The following AHRR variants were observed in gnomAD, a reference collection of about 807,000 sequenced individuals.
The protein encoded by AHRR is aryl hydrocarbon receptor repressor, also known as ahR repressor.
In AHRR, 28 loss-of-function variants were observed where a neutral mutation model predicts 44.0. The observed-to-expected ratio is 0.64, with a 90% confidence interval of 0.47 to 0.87. AHRR has a LOEUF of 0.87. Ranked by LOEUF, AHRR falls within the 40% of genes least tolerant of loss-of-function variation. AHRR has a pLI of 0.00. For missense variants in AHRR, 990 were observed against 953.9 expected (o/e 1.04, Z -0.50); for synonymous variants, 434 against 407.0 (o/e 1.07, Z -0.80).
chr5:434,884 G>T lies in AHRR; in HGVS notation c.*50G>T, dbSNP rs367737923. ...GATCTGTGTGTCTACGCTCAGATGC[G>T]TCGGTGGCTGGGCTGCCCTGCTCCT... On this transcript the variant is annotated 3_prime_UTR_variant, in exon 11 of 11. Coordinates refer to ENST00000684583, the MANE Select transcript of AHRR (RefSeq NM_001377236.1). 7.6e-5 allele frequency: 113 copies of T among 1,496,070 alleles called. No individual in the cohort carries two copies. The highest frequency in any genetic ancestry group is 9.9e-5 in the Non-Finnish European group (111 of 1,116,322). 92.7% of individuals were successfully genotyped at this position (1,496,070 alleles called of 1,614,324 possible).
chr5:437,592 T>G lies in AHRR; in HGVS notation c.*2758T>G, dbSNP rs1307707970. On this transcript the variant is annotated 3_prime_UTR_variant, in exon 11 of 11. Transcript: ENST00000684583. ...GACGGCAGCCCCTGCCCAGGAGGCTTCTTCACCACGTCCTGCCCTGCAGCC... is the reference window on the plus strand; with the variant it reads ...GACGGCAGCCCCTGCCCAGGAGGCTGCTTCACCACGTCCTGCCCTGCAGCC... The G allele has an allele frequency of 2.0e-5, 3 of 152,384 alleles. No homozygotes were observed. Among genetic ancestry groups the G allele is most frequent in the Admixed American group, 6.5e-5 (1 of 15,282 alleles). The allele number at this position is 152,384 out of a possible 1,614,324, so 9.4% of individuals were successfully genotyped here.
intron 3 of AHRR, among the ~76,000 whole-genome samples, chr5:366,638 T>G (rs1399124403): frequency 6.6e-6 from 1 of 152,242 alleles, no homozygotes; most frequent in East Asian, 1.9e-4. Flanking sequence ...GAACAAAATA[T>G]CTATTAATTA....
Position 434,976 on chromosome 5 carries a change from G to C in AHRR, c.*142G>C. ...CTGTGCATGCGCAGTCTGCTAGTGTGTGTGTGCAGCATACGCAGGAGCCTA... is the reference window on the plus strand; with the variant it reads ...CTGTGCATGCGCAGTCTGCTAGTGTCTGTGTGCAGCATACGCAGGAGCCTA... On this transcript the variant is annotated 3_prime_UTR_variant, in exon 11 of 11. Coordinates refer to ENST00000684583, the MANE Select transcript of AHRR (RefSeq NM_001377236.1). 1 of 1,217,448 alleles carries C rather than the reference G, an allele frequency of 8.2e-7. No homozygotes were observed. The allele number at this position is 1,217,448 out of a possible 1,614,324, so 75.4% of individuals were successfully genotyped here.
intron 4 of AHRR, among the ~76,000 whole-genome samples, chr5:407,954 C>T (rs2671899): frequency 0.2 from 30,466 of 152,172 alleles, 4,905 homozygotes; most frequent in African/African-American, 0.45. Flanking sequence ...ATTTTTCATA[C>T]CGAATTGCAT....
chr5:376,549 T>TGAA (rs1733684160), intron 3 of AHRR, 61 bp from the exon 4 acceptor site: 1 of 1,409,798 alleles, frequency 7.1e-7, no homozygotes, highest in Non-Finnish European at 9.6e-7. Context: ...AAGATGTGAA[T>TGAA]GAAGAAGAGT....
At chr5:340,674 ATATATATATATATATTTTTTTTTT>A (rs1742300314) in intron 1 of AHRR, among the ~76,000 whole-genome samples, 7 of 24,880 alleles carry the variant, frequency 2.8e-4, no homozygotes. Flanking sequence ...TTATATATAT[ATATATATATATATATTTTTTTTTT>A]TTTTTTTTTT....
At chr5:430,309 G>A (rs910406200) in intron 8 of AHRR, among the ~76,000 whole-genome samples, 9 of 152,322 alleles carry the variant, frequency 5.9e-5, no homozygotes, top group South Asian at 2.1e-4. Context: ...GTTCTTTGGC[G>A]CCTTTGACGG....
chr5:413,061 C>G (rs1277116064), intron 4 of AHRR, among the ~76,000 whole-genome samples: 1 of 152,100 alleles, frequency 6.6e-6, no homozygotes, highest in Non-Finnish European at 1.5e-5. Context: ...GCTCCTGCCT[C>G]GTCTTAGGTA....
intron 4 of AHRR, among the ~76,000 whole-genome samples, chr5:401,516 C>T (rs186806200): frequency 2.6e-5 from 4 of 152,352 alleles, no homozygotes; most frequent in East Asian, 1.9e-4. Context: ...CAGGCAGGGA[C>T]GATCCTGGGC....
chr5:376,964 G>C (rs1441427015), intron 4 of AHRR, among the ~76,000 whole-genome samples: 1 of 152,172 alleles, frequency 6.6e-6, no homozygotes, highest in Non-Finnish European at 1.5e-5. Context: ...GAGAGCTCTC[G>C]GCCTTGTGTG....
chr5:377,051 CT>C (rs1206752878), intron 4 of AHRR, among the ~76,000 whole-genome samples: 1 of 152,098 alleles, frequency 6.6e-6, no homozygotes, highest in Non-Finnish European at 1.5e-5. Context: ...AAAATTAAGC[CT>C]TTTTTCCCCC....
rs1478415803 is a variant in AHRR, at chr5:338,261, A to G, written c.-10-5632A>G. On this transcript the variant is annotated intron_variant, in intron 1 of 10. Transcript: ENST00000684583. This position sits in a 1 kb window ranked among gnomAD's most constrained non-coding sequence, Gnocchi z 4.1. Reference sequence around the variant, plus strand: ...AGTCAGTTCTTGCGCTTTTTGTGCCATGTTGTAGACCCATACTACAATCTG... The same window carrying G: ...AGTCAGTTCTTGCGCTTTTTGTGCCGTGTTGTAGACCCATACTACAATCTG... Among the ~76,000 whole-genome samples the G allele has an allele frequency of 6.6e-6, 1 of 152,174 alleles. No homozygotes were observed. Among genetic ancestry groups the G allele is most frequent in the Non-Finnish European group, 1.5e-5 (1 of 68,030 alleles).
At chr5:330,927 G>A (rs191947165) in intron 1 of AHRR, among the ~76,000 whole-genome samples, 1 of 141,624 alleles carries the variant, frequency 7.1e-6, no homozygotes, top group East Asian at 2.1e-4. Context: ...AGGCTGGAGT[G>A]CAATGGTGTG....
intron 2 of AHRR, among the ~76,000 whole-genome samples, chr5:351,276 A>G (rs1459636869): frequency 6.6e-6 from 1 of 152,236 alleles, no homozygotes; most frequent in Non-Finnish European, 1.5e-5. Context: ...AATTGAAAGT[A>G]TATATTCAAA....
intron 4 of AHRR, among the ~76,000 whole-genome samples, chr5:399,464 G>A (rs1258719797): frequency 2.6e-5 from 4 of 152,196 alleles, no homozygotes; most frequent in East Asian, 3.8e-4. Context: ...AACTTTAGAC[G>A]TCAGATTGCC....
At chr5:359,641 C>G (rs910492750) in intron 3 of AHRR, among the ~76,000 whole-genome samples, 2 of 152,236 alleles carry the variant, frequency 1.3e-5, no homozygotes, top group Non-Finnish European at 2.9e-5. Flanking sequence ...TCACCCGCAG[C>G]AGCATCGGAG....
chr5:408,371 T>C (rs1030114391), intron 4 of AHRR, among the ~76,000 whole-genome samples: 7 of 149,516 alleles, frequency 4.7e-5, no homozygotes, highest in African/African-American at 1.8e-4. Context: ...GTAATTCCTA[T>C]TTTCCTGAGC....
intron 1 of AHRR, among the ~76,000 whole-genome samples, chr5:324,493 A>G (rs1340519565): frequency 6.6e-6 from 1 of 151,254 alleles, no homozygotes; most frequent in African/African-American, 2.4e-5. Flanking sequence ...CACAAGCAAA[A>G]CCTGAAACTG....
chr5:329,854 AAG>A (rs1741851851), intron 1 of AHRR, among the ~76,000 whole-genome samples: 1 of 152,222 alleles, frequency 6.6e-6, no homozygotes, highest in East Asian at 1.9e-4. Flanking sequence ...TATCAAATCT[AAG>A]AGTTTTTTTG....
Sources: allele counts gnomAD v4.1 joint callset (sites outside exome capture counted in the v4.1 genomes callset), GRCh38; gene constraint gnomAD v4.1.1; non-coding constraint Gnocchi (gnomAD v3.1); transcripts MANE v1.5; gene names NCBI Gene and HGNC (gene_info 2026-07-23, HGNC 2026-07-21).